CLYBL: variants seen among roughly 807,000 people sequenced by gnomAD.
CLYBL encodes the protein citramalyl-CoA lyase, mitochondrial.
CLYBL carries 31 observed loss-of-function variants against 38.9 expected under a neutral mutation model. That is an observed-to-expected ratio of 0.80 (90% confidence interval 0.60 to 1.08). The LOEUF is 1.08. Among genes scored for constraint, CLYBL ranks in the 50% least tolerant of loss-of-function variants. CLYBL has a pLI of 0.00. For synonymous variants in CLYBL, 171 were observed against 158.6 expected (o/e 1.08, Z -0.59); for missense variants, 434 against 411.6 (o/e 1.05, Z -0.47).
At chr13:99,866,116 A>G (rs2051735470) in intron 5 of CLYBL, 124 bp from the exon 6 acceptor site, 2 of 926,784 alleles carry the variant, frequency 2.2e-6, no homozygotes, top group Non-Finnish European at 3.3e-6. Flanking sequence ...CAATAATTTT[A>G]TTTTGCGGAG....
chr13:99,650,327 C>T (rs1246731583), intron 1 of CLYBL, among the ~76,000 whole-genome samples: 1 of 152,008 alleles, frequency 6.6e-6, no homozygotes. Flanking sequence ...AAGGCTAAGG[C>T]AGGAGGATTG....
chr13:99,643,700 A>G (rs2047128965), intron 1 of CLYBL, among the ~76,000 whole-genome samples: 2 of 152,142 alleles, frequency 1.3e-5, no homozygotes, highest in African/African-American at 4.8e-5. Flanking sequence ...TTAGGTCACA[A>G]TGAGCGTTTT....
At chr13:99,752,118 A>G (rs948389953) in intron 1 of CLYBL, among the ~76,000 whole-genome samples, 2 of 152,038 alleles carry the variant, frequency 1.3e-5, no homozygotes, top group East Asian at 3.9e-4. Context: ...CAAGCCAGGC[A>G]CTCTCATATG....
Position 99,656,133 on chromosome 13 carries a change from T to C in CLYBL, c.62+49376T>C, listed in dbSNP as rs1038338432. ...TTTGTTTTCTGAGGCTTTTTGGCTT[T>C]TTAGTTTATTTGTAATTAGAGCAGA... is the stretch of plus-strand genomic sequence containing the variant. On this transcript the variant is annotated intron_variant, in intron 1 of 8. Transcript: ENST00000339105. 3.9e-5 allele frequency among the ~76,000 whole-genome samples: 6 copies of C among 152,130 alleles called. No individual in the cohort carries two copies. In the South Asian group the frequency reaches 1.0e-3, roughly 26 times the overall value.
chr13:99,644,674 C>G (rs2047150842), intron 1 of CLYBL, among the ~76,000 whole-genome samples: 1 of 152,178 alleles, frequency 6.6e-6, no homozygotes, highest in African/African-American at 2.4e-5. Flanking sequence ...CCCCACTACC[C>G]TTCCCAGCCC....
chr13:99,712,962 A>T (rs2048257690), intron 1 of CLYBL, among the ~76,000 whole-genome samples: 1 of 152,142 alleles, frequency 6.6e-6, no homozygotes, highest in African/African-American at 2.4e-5. Flanking sequence ...ATGTGAAAAG[A>T]GGGTTCGTGA....
intron 2 of CLYBL, among the ~76,000 whole-genome samples, chr13:99,830,279 G>A (rs2050779333): frequency 6.6e-6 from 1 of 152,220 alleles, no homozygotes; most frequent in African/African-American, 2.4e-5. Context: ...CATTCTTGAT[G>A]AAAAGAATTA....
At chr13:99,801,106 T>C (rs2050127074) in intron 2 of CLYBL, among the ~76,000 whole-genome samples, 1 of 152,114 alleles carries the variant, frequency 6.6e-6, no homozygotes, top group Non-Finnish European at 1.5e-5. Context: ...GCCCTTAGTA[T>C]AGGCCTTGAG....
At chr13:99,683,030 A>G (rs1245563319) in intron 1 of CLYBL, among the ~76,000 whole-genome samples, 1 of 149,606 alleles carries the variant, frequency 6.7e-6, no homozygotes, top group Non-Finnish European at 1.5e-5. Flanking sequence ...GAGTCACCAC[A>G]CCTGGCCCAA....
chr13:99,677,971 C>G (rs1238586942), intron 1 of CLYBL, among the ~76,000 whole-genome samples: 1 of 152,188 alleles, frequency 6.6e-6, no homozygotes, highest in Non-Finnish European at 1.5e-5. Context: ...GCTTTTCCTC[C>G]TGACATGCTA....
intron 7 of CLYBL, chr13:99,885,053 C>A: frequency 1.9e-6 from 1 of 528,374 alleles, no homozygotes. Context: ...CAGAGCATCT[C>A]CCGTGTACCT....
chr13:99,888,090 AG>A (rs1345780245), intron 7 of CLYBL, among the ~76,000 whole-genome samples: 2 of 152,134 alleles, frequency 1.3e-5, no homozygotes, highest in African/African-American at 4.8e-5. Context: ...TCCTGACCTC[AG>A]GTGATCCATC....
intron 7 of CLYBL, among the ~76,000 whole-genome samples, chr13:99,890,226 T>C (rs544934735): frequency 6.6e-6 from 1 of 152,366 alleles, no homozygotes; most frequent in East Asian, 1.9e-4. Flanking sequence ...CAGCTCTGGC[T>C]TTCCCTAGTC....
chr13:99,802,751 G>C (rs2050160065), intron 2 of CLYBL, among the ~76,000 whole-genome samples: 1 of 152,166 alleles, frequency 6.6e-6, no homozygotes, highest in Admixed American at 6.5e-5. Context: ...TCTTCCCTCT[G>C]CCCAGCATCC....
intron 1 of CLYBL, among the ~76,000 whole-genome samples, chr13:99,661,083 T>G (rs969743870): frequency 5.3e-5 from 8 of 152,226 alleles, no homozygotes; most frequent in African/African-American, 1.9e-4. Flanking sequence ...AAAAAATTTT[T>G]GACAAAACAC....
intron 1 of CLYBL, among the ~76,000 whole-genome samples, chr13:99,635,911 T>G (rs2047012028): frequency 6.6e-6 from 1 of 152,236 alleles, no homozygotes; most frequent in South Asian, 2.1e-4. Flanking sequence ...TGGTTCCTAT[T>G]ATAGCTTTAT....
intron 1 of CLYBL, among the ~76,000 whole-genome samples, chr13:99,757,390 C>T (rs1250259293): frequency 4.6e-5 from 7 of 152,176 alleles, no homozygotes; most frequent in Non-Finnish European, 8.8e-5. Context: ...TTGGCATTCG[C>T]TAGTGCAGCT....
chr13:99,668,027 A>T (rs2047508557), intron 1 of CLYBL, among the ~76,000 whole-genome samples: 1 of 152,210 alleles, frequency 6.6e-6, no homozygotes, highest in Non-Finnish European at 1.5e-5. Context: ...TAATTCCAGC[A>T]CTTTAGGAGG....
chr13:99,864,558 T>C (rs756743801), intron 4 of CLYBL, among the ~76,000 whole-genome samples: 3 of 152,208 alleles, frequency 2.0e-5, no homozygotes, highest in Non-Finnish European at 4.4e-5. Context: ...TCAAAGTTTC[T>C]CCAAAAATGA....
Sources: allele counts gnomAD v4.1 joint callset (sites outside exome capture counted in the v4.1 genomes callset), GRCh38; gene constraint gnomAD v4.1.1; transcripts MANE v1.5; gene names NCBI Gene and HGNC (gene_info 2026-07-23, HGNC 2026-07-21).